CRADD: variants seen among roughly 807,000 people sequenced by gnomAD.
The protein encoded by CRADD is death domain-containing protein CRADD.
CRADD carries 9 observed loss-of-function variants against 15.5 expected under a neutral mutation model. The ratio of observed to expected loss-of-function variants is 0.58; its 90% CI spans 0.35 to 1.01. The LOEUF is 1.01. CRADD is among the 50% of genes least tolerant of loss of function. CRADD has a pLI of 0.02. For missense variants in CRADD, 227 were observed against 250.3 expected, an observed-to-expected ratio of 0.91 and a Z score of 0.63; for synonymous variants, 118 against 107.6, an observed-to-expected ratio of 1.10 and a Z score of -0.60.
intron 2 of CRADD, among the ~76,000 whole-genome samples, chr12:93,890,185 T>C (rs1447054502): frequency 6.6e-6 from 1 of 152,226 alleles, no homozygotes; most frequent in Non-Finnish European, 1.5e-5. Flanking sequence ...GTATTTTGGA[T>C]AGGTTATTTA....
chr12:93,698,186 A>G (rs1327626453), intron 2 of CRADD, among the ~76,000 whole-genome samples: 1 of 152,110 alleles, frequency 6.6e-6, no homozygotes. Context: ...TCCAAGTGCC[A>G]TATCTTGGGC....
chr12:93,739,522 T>C (rs1165603492), intron 2 of CRADD, among the ~76,000 whole-genome samples: 1 of 151,708 alleles, frequency 6.6e-6, no homozygotes, highest in East Asian at 1.9e-4. Context: ...AGATTAAATA[T>C]CATAAAAATC....
intron 2 of CRADD, among the ~76,000 whole-genome samples, chr12:93,872,342 C>T (rs1958427722): frequency 6.6e-6 from 1 of 152,076 alleles, no homozygotes; most frequent in African/African-American, 2.4e-5. Context: ...TATTTTCTCC[C>T]ATTCTCTGGG....
In CRADD at chr12:93,824,411, T is replaced by A. The variant is rs1565928226; in HGVS notation, c.299-25559T>A. 8.4e-6 allele frequency among the ~76,000 whole-genome samples: 1 copy of A among 118,646 alleles called. No homozygotes were observed. The highest frequency in any genetic ancestry group is 3.7e-4 in the East Asian group (1 of 2,674). The allele number at this position is 118,646 out of a possible 152,430, so 77.8% of individuals were successfully genotyped here. On this transcript the variant is annotated intron_variant, in intron 2 of 2. Coordinates refer to ENST00000332896, the MANE Select transcript of CRADD (RefSeq NM_003805.5). The surrounding 1 kb of genome is among the most constrained non-coding windows in gnomAD (Gnocchi z 4.3). ...TCTTTGGAAAACACACACACACTCA[T>A]ACACACACATACACACACACACACA...
At chr12:93,716,877 C>A (rs1357488535) in intron 2 of CRADD, among the ~76,000 whole-genome samples, 1 of 152,152 alleles carries the variant, frequency 6.6e-6, no homozygotes, top group Non-Finnish European at 1.5e-5. Flanking sequence ...ATTTTCAGTT[C>A]ATTTAGGTAA....
rs76786639 is a variant in CRADD, at chr12:93,710,286, G to A, written c.298+31214G>A. Among the ~76,000 whole-genome samples, 479 of 151,538 alleles carry A rather than the reference G, an allele frequency of 3.2e-3. 14 individuals are homozygous for A. The East Asian group carries it at 0.05, about 16-fold the overall frequency. On this transcript the variant is annotated intron_variant, in intron 2 of 2. Coordinates refer to ENST00000332896, the MANE Select transcript of CRADD (RefSeq NM_003805.5). ...TGGTATCTAGACCAGCCACCTTACA[G>A]CATGGTGGCTGGGTTCCAAGTGTGA...
At chr12:93,878,541 C>T (rs1343603434) in intron 2 of CRADD, among the ~76,000 whole-genome samples, 1 of 152,136 alleles carries the variant, frequency 6.6e-6, no homozygotes, top group Non-Finnish European at 1.5e-5. Context: ...TCTCTTTAGG[C>T]CTTGTTCAGC....
intron 2 of CRADD, among the ~76,000 whole-genome samples, chr12:93,808,831 A>G (rs1593007799): frequency 6.6e-6 from 1 of 151,728 alleles, no homozygotes; most frequent in East Asian, 1.9e-4. Context: ...AGGTCGGGGA[A>G]AGTAGACCAC....
At chr12:93,699,478 A>G (rs1955788770) in intron 2 of CRADD, among the ~76,000 whole-genome samples, 1 of 152,226 alleles carries the variant, frequency 6.6e-6, no homozygotes. Context: ...TAATGTTAGC[A>G]TTTGAATACT....
At chr12:93,812,153 T>C (rs866637378) in intron 2 of CRADD, among the ~76,000 whole-genome samples, 1 of 152,218 alleles carries the variant, frequency 6.6e-6, no homozygotes, top group South Asian at 2.1e-4. Context: ...ATAGGGGACT[T>C]TTAGGGCAGT....
chr12:93,690,898 A>G (rs1955548420), intron 2 of CRADD, among the ~76,000 whole-genome samples: 1 of 152,212 alleles, frequency 6.6e-6, no homozygotes, highest in South Asian at 2.1e-4. Context: ...GGTCTCACAC[A>G]TAGCCGGCAT....
intron 2 of CRADD, among the ~76,000 whole-genome samples, chr12:93,868,548 A>G (rs1958390649): frequency 6.6e-6 from 1 of 152,188 alleles, no homozygotes; most frequent in Non-Finnish European, 1.5e-5. Context: ...GTTATAAAAT[A>G]GAATATATGG....
chr12:93,752,830 A>C (rs943530904), intron 2 of CRADD, among the ~76,000 whole-genome samples: 4 of 152,152 alleles, frequency 2.6e-5, no homozygotes, highest in Non-Finnish European at 5.9e-5. Context: ...TTACAAAAGG[A>C]AGAGGTTTAT....
intron 2 of CRADD, among the ~76,000 whole-genome samples, chr12:93,803,697 G>GA (rs1957501733): frequency 2.0e-5 from 3 of 151,316 alleles, no homozygotes; most frequent in East Asian, 3.9e-4. Flanking sequence ...CTCATCTGTG[G>GA]TAGGCAGACT....
rs117938059 is a variant in CRADD at position 93,893,577 on chromosome 12, C to T, written c.299-473C>T. 4.8e-3 allele frequency among the ~76,000 whole-genome samples: 738 copies of T among 152,230 alleles called. 4 individuals carry two copies. Among genetic ancestry groups the T allele is most frequent in the Middle Eastern group, 0.031 (9 of 294 alleles). The stretch of plus-strand genomic sequence containing the variant: ...AGTCACGGGGAATTTTATAAATACT[C>T]GGCTAAATTCTTCAAAGGGAGCCAT... On this transcript the variant is annotated intron_variant, in intron 2 of 2. Transcript: ENST00000548483.
At chr12:93,797,581 G>C (rs1265591455) in intron 2 of CRADD, among the ~76,000 whole-genome samples, 1 of 152,034 alleles carries the variant, frequency 6.6e-6, no homozygotes. Flanking sequence ...AGGGCAATAA[G>C]AATCCCACAT....
At chr12:93,702,266 T>C (rs7969076) in intron 2 of CRADD, among the ~76,000 whole-genome samples, 81,181 of 151,876 alleles carry the variant, frequency 0.53, 22,149 homozygotes, top group East Asian at 0.67. Flanking sequence ...GACGAGTTGT[T>C]GGATGATCTT....
downstream of CRADD, among the ~76,000 whole-genome samples, chr12:93,853,871 G>T (rs768883155): frequency 1.5e-4 from 23 of 152,164 alleles, no homozygotes; most frequent in Non-Finnish European, 2.8e-4. Context: ...CCAGTGTGTG[G>T]ATGCGCCGTC....
intron 2 of CRADD, among the ~76,000 whole-genome samples, chr12:93,758,100 C>A (rs1308745176): frequency 6.6e-6 from 1 of 152,238 alleles, no homozygotes; most frequent in Non-Finnish European, 1.5e-5. Context: ...TGAAGTCTAT[C>A]CGTTAAGGAA....
Sources: gnomAD v4.1 joint callset for allele counts (sites outside exome capture counted in the v4.1 genomes callset) on GRCh38, gnomAD v4.1.1 for gene constraint, Gnocchi (gnomAD v3.1) non-coding constraint, MANE v1.5 for transcripts, NCBI Gene and HGNC (gene_info 2026-07-23, HGNC 2026-07-21) for gene names.